Variants in ATF6 observed in about 807,000 individuals in gnomAD.
ATF6 encodes cyclic AMP-dependent transcription factor ATF-6 alpha.
A neutral mutation model predicts 83.6 loss-of-function variants in ATF6; 53 were observed. That is an observed-to-expected ratio of 0.63 (90% CI 0.51 to 0.80). The LOEUF (loss-of-function observed/expected upper bound fraction) is 0.80, where lower values mean the gene tolerates loss of function less well. Among genes scored for constraint, ATF6 ranks in the 30% least tolerant of loss-of-function variants. The probability of loss-of-function intolerance (pLI) is 0.00; values close to 1 mark genes in which losing one functional copy is unlikely to be tolerated. For missense variants in ATF6, 744 were observed against 797.9 expected (o/e 0.93, Z 0.81); for synonymous variants, 288 against 285.8 (o/e 1.01, Z -0.08).
intron 9 of ATF6, among the ~76,000 whole-genome samples, chr1:161,838,306 C>T (rs1357889984): frequency 1.3e-5 from 2 of 152,182 alleles, no homozygotes; most frequent in Non-Finnish European, 2.9e-5. Flanking sequence ...TCAGTGATGT[C>T]AGCAATCTAA....
chr1:161,863,706 G>A (rs1478582258), intron 14 of ATF6, among the ~76,000 whole-genome samples: 2 of 152,136 alleles, frequency 1.3e-5, no homozygotes, highest in African/African-American at 4.8e-5. Context: ...CTGAAATGTA[G>A]GTTTGAGATG....
chr1:161,774,400 G>C (rs1405722884), intron 1 of ATF6, among the ~76,000 whole-genome samples: 1 of 131,756 alleles, frequency 7.6e-6, no homozygotes, highest in Non-Finnish European at 1.6e-5. Context: ...TTGGATTATG[G>C]ATATGTACAC....
At chr1:161,849,303 A>G (rs1176622461) in intron 10 of ATF6, among the ~76,000 whole-genome samples, 2 of 152,126 alleles carry the variant, frequency 1.3e-5, no homozygotes, top group Non-Finnish European at 2.9e-5. Context: ...ACTTAAACCT[A>G]CTTAACCCTT....
In ATF6 at chr1:161,860,248, T is replaced by G; in HGVS notation, c.1575T>G (p.Val525=). The G allele has an allele frequency of 6.3e-7, 1 of 1,598,236 alleles. No individual in the cohort carries two copies. The highest frequency in any genetic ancestry group is 8.5e-7 in the Non-Finnish European group (1 of 1,171,090). The change falls in exon 13 of 16, where the codon GTT becomes GTG. Residue 525 remains valine, a synonymous_variant. Coordinates refer to ENST00000367942, the MANE Select transcript of ATF6 (RefSeq NM_007348.4). ...EQGSNSQLMA[V]QYTETTSSIS... ...GCTCAAATTCTCAGCTGATGGCTGT[T>G]CAATACACAGAAACCACTAGTAGTA... is the stretch of plus-strand genomic sequence containing the variant.
intron 14 of ATF6, among the ~76,000 whole-genome samples, chr1:161,894,521 C>CTTTTTTTTTTTTTTT (rs71093131): frequency 8.9e-5 from 4 of 44,866 alleles, no homozygotes; most frequent in Non-Finnish European, 8.9e-5. Context: ...GTTTTGTAGT[C>CTTTTTTTTTTTTTTT]TTTTTTTTTT....
chr1:161,924,874 A>G (rs143154962), intron 15 of ATF6, among the ~76,000 whole-genome samples: 1 of 152,298 alleles, frequency 6.6e-6, no homozygotes, highest in Admixed American at 6.5e-5. Context: ...CTTTAGTACA[A>G]AGTTATCCAT....
chr1:161,876,739 C>T (rs12022305), intron 14 of ATF6, among the ~76,000 whole-genome samples: 21,558 of 151,820 alleles, frequency 0.14, 2,091 homozygotes, highest in East Asian at 0.32. Flanking sequence ...CAATTTTGAC[C>T]AGTTTCTTTG....
At chr1:161,776,811 A>C (rs1447702710) in intron 1 of ATF6, among the ~76,000 whole-genome samples, 1 of 152,206 alleles carries the variant, frequency 6.6e-6, no homozygotes, top group Non-Finnish European at 1.5e-5. Flanking sequence ...TTGGAGATGT[A>C]TATTTGGAAA....
At chr1:161,805,737 TC>T (rs1685262487) in intron 7 of ATF6, among the ~76,000 whole-genome samples, 1 of 151,754 alleles carries the variant, frequency 6.6e-6, no homozygotes, top group Admixed American at 6.6e-5. Flanking sequence ...TTTAAAATGA[TC>T]AAAAAAATAT....
intron 15 of ATF6, among the ~76,000 whole-genome samples, chr1:161,935,989 C>T (rs7511775): frequency 0.22 from 33,132 of 152,174 alleles, 4,966 homozygotes; most frequent in African/African-American, 0.37. Flanking sequence ...AGAGAAAAAG[C>T]CTTAATGCCG....
chr1:161,935,114 T>A (rs1410384734), intron 15 of ATF6, among the ~76,000 whole-genome samples: 1 of 152,216 alleles, frequency 6.6e-6, no homozygotes, highest in Non-Finnish European at 1.5e-5. Context: ...TATTTTTTAT[T>A]CCATGTTGTT....
chr1:161,783,989 G>C lies in ATF6; in HGVS notation c.248-1G>C. On this transcript the variant is annotated splice_acceptor_variant, in intron 3 of 15. Transcript: ENST00000367942. LOFTEE classifies it high-confidence loss of function. Reference sequence around the variant, plus strand: ...TAAAACCTTTCCTCCATGTTTTCCAGTTAAAGATATTAAGGCAGAACCTCA... The same window carrying C: ...TAAAACCTTTCCTCCATGTTTTCCACTTAAAGATATTAAGGCAGAACCTCA... The C allele has an allele frequency of 6.2e-7, 1 of 1,602,096 alleles. No homozygotes were observed. The highest frequency in any genetic ancestry group is 8.5e-7 in the Non-Finnish European group (1 of 1,169,750).
At chr1:161,837,812 C>T (rs1055345153) in intron 9 of ATF6, among the ~76,000 whole-genome samples, 8 of 152,178 alleles carry the variant, frequency 5.3e-5, no homozygotes, top group Non-Finnish European at 1.2e-4. Flanking sequence ...CATTATTTAT[C>T]AAATACTAAT....
At chr1:161,819,539 G>A (rs575591680) in intron 7 of ATF6, 94 bp from the exon 8 acceptor site, 2 of 1,036,392 alleles carry the variant, frequency 1.9e-6, no homozygotes, top group South Asian at 6.7e-5. Context: ...TGAAAAAATT[G>A]TTGGTTAAAA....
rs550730973 is a variant in ATF6, at chr1:161,907,617, C to G, written c.1720-4679C>G. ...TCTATTAAAGATAAAGGGCTCCAAC[C>G]TTGAGCCAGAGTTTTCTAATACAGT... is the stretch of plus-strand genomic sequence containing the variant. On this transcript the variant is annotated intron_variant, in intron 14 of 15. Transcript: ENST00000367942. Among the ~76,000 whole-genome samples the G allele has an allele frequency of 5.9e-5, 9 of 152,276 alleles. No homozygotes were observed. The South Asian group carries it at 1.9e-3, about 32-fold the overall frequency.
At chr1:161,851,097 C>G (rs1571188725) in intron 10 of ATF6, among the ~76,000 whole-genome samples, 2 of 151,658 alleles carry the variant, frequency 1.3e-5, no homozygotes, top group African/African-American at 4.8e-5. Context: ...AACTCTTTCA[C>G]TTTTCTCCTG....
rs1557968274 is a variant in ATF6 at position 161,802,286 on chromosome 1, CTT to C, written c.909+15_909+16del. 4 of 1,606,156 alleles carry C rather than the reference CTT, an allele frequency of 2.5e-6. No homozygotes were observed. Among genetic ancestry groups the C allele is most frequent in the Non-Finnish European group, 3.4e-6 (4 of 1,173,174 alleles). ...GTCGGTTCAGATGTAAGTTTTGAAA[CTT>C]AGTGCTTCTCTTAATGCCTGATTTA... On this transcript the variant is annotated intron_variant, in intron 7 of 15. Coordinates refer to ENST00000367942, the MANE Select transcript of ATF6 (RefSeq NM_007348.4).
chr1:161,875,621 T>A (rs886913758), intron 14 of ATF6, among the ~76,000 whole-genome samples: 2 of 151,864 alleles, frequency 1.3e-5, no homozygotes, highest in Admixed American at 6.6e-5. Flanking sequence ...ATGTCAGTTT[T>A]CCTTGAAGTG....
chr1:161,921,195 A>C (rs1300190376), intron 15 of ATF6, among the ~76,000 whole-genome samples: 2 of 152,240 alleles, frequency 1.3e-5, no homozygotes, highest in Non-Finnish European at 2.9e-5. Flanking sequence ...GGAATTGAGC[A>C]AAGTGTCTGG....
Sources: gnomAD v4.1 joint callset for allele counts (sites outside exome capture counted in the v4.1 genomes callset) on GRCh38, gnomAD v4.1.1 for gene constraint, MANE v1.5 for transcripts, NCBI Gene and HGNC (gene_info 2026-07-23, HGNC 2026-07-21) for gene names.